Variants in SUPT3H observed in about 807,000 individuals in gnomAD.
The protein encoded by SUPT3H is transcription initiation protein SPT3 homolog.
In SUPT3H, 44 loss-of-function variants were observed where a neutral mutation model predicts 44.3. The ratio of observed to expected loss-of-function variants is 0.99; its 90% confidence interval spans 0.78 to 1.28. SUPT3H has a LOEUF of 1.28. Ranked by LOEUF, SUPT3H falls within the 50% of genes most tolerant of loss-of-function variation. The pLI is 0.00. For synonymous variants in SUPT3H, 124 were observed against 125.6 expected (o/e 0.99, Z 0.09); for missense variants, 380 against 387.1 (o/e 0.98, Z 0.15).
chr6:44,944,762 CAAAA>C (rs57506313), intron 9 of SUPT3H, among the ~76,000 whole-genome samples: 3 of 29,898 alleles, frequency 1.0e-4, no homozygotes, highest in African/African-American at 1.6e-4. Flanking sequence ...ACCCTCTCTC[CAAAA>C]AAAAAAAAAA....
intron 3 of SUPT3H, among the ~76,000 whole-genome samples, chr6:45,062,186 T>TA (rs1792206866): frequency 6.6e-6 from 1 of 152,096 alleles, no homozygotes; most frequent in African/African-American, 2.4e-5. Context: ...CAGTCCATAA[T>TA]AAAGTTGTTG....
chr6:45,276,807 A>G (rs1777105704), intron 2 of SUPT3H, among the ~76,000 whole-genome samples: 1 of 152,202 alleles, frequency 6.6e-6, no homozygotes, highest in South Asian at 2.1e-4. Context: ...TCATACACAC[A>G]TGACCAATGA....
chr6:44,840,911 T>C (rs1214955401), intron 10 of SUPT3H, among the ~76,000 whole-genome samples: 1 of 152,200 alleles, frequency 6.6e-6, no homozygotes, highest in Non-Finnish European at 1.5e-5. Flanking sequence ...AAACTTCCAA[T>C]GAAAAAGTCA....
At chr6:45,258,977 C>A (rs1428415763) in intron 2 of SUPT3H, among the ~76,000 whole-genome samples, 1 of 152,070 alleles carries the variant, frequency 6.6e-6, no homozygotes, top group Non-Finnish European at 1.5e-5. Flanking sequence ...AAAATAATTT[C>A]AAGTACTATG....
At chr6:45,220,300 G>A (rs1486980840) in intron 2 of SUPT3H, among the ~76,000 whole-genome samples, 2 of 151,576 alleles carry the variant, frequency 1.3e-5, no homozygotes, top group African/African-American at 4.8e-5. Context: ...TGTGCAACAC[G>A]GTTCAACATT....
chr6:45,208,723 CAA>C (rs34279438), intron 2 of SUPT3H, among the ~76,000 whole-genome samples: 13 of 96,748 alleles, frequency 1.3e-4, no homozygotes, highest in South Asian at 3.5e-4. Context: ...GACTCTGTCT[CAA>C]AAAAAAAAAA....
intron 2 of SUPT3H, among the ~76,000 whole-genome samples, chr6:45,149,989 A>T (rs1053402325): frequency 1.3e-5 from 2 of 150,950 alleles, no homozygotes; most frequent in Admixed American, 1.3e-4. Context: ...TCCAGGCTAC[A>T]TATCAGGTAA....
At position 45,095,389 on chromosome 6, in the gene SUPT3H, TTGCA is replaced by T. The variant is rs1797657327; in HGVS notation, c.186+10529_186+10532del. On this transcript the variant is annotated intron_variant, in intron 3 of 10. Coordinates refer to ENST00000371459, the MANE Select transcript of SUPT3H (RefSeq NM_003599.4). This position sits in a 1 kb window ranked among gnomAD's most constrained non-coding sequence, Gnocchi z 4.1. ...CTGGTGATGAGGACAGAACAGAGCT[TTGCA>T]TGAACTGCTTCTACCAGGGAAATTA... is the stretch of plus-strand genomic sequence containing the variant. 6.6e-6 allele frequency among the ~76,000 whole-genome samples: 1 copy of T among 152,116 alleles called. No homozygotes were observed. The highest frequency in any genetic ancestry group is 2.4e-5 in the African/African-American group (1 of 41,420).
chr6:45,065,816 C>T (rs1019209817), intron 3 of SUPT3H, among the ~76,000 whole-genome samples: 15 of 151,286 alleles, frequency 9.9e-5, no homozygotes, highest in African/African-American at 3.2e-4. Flanking sequence ...TGGCAATAAT[C>T]GATAGTTTAC....
At chr6:44,981,323 A>G (rs77558040) in intron 6 of SUPT3H, among the ~76,000 whole-genome samples, 10,616 of 152,272 alleles carry the variant, frequency 0.07, 1,235 homozygotes, top group African/African-American at 0.24. Flanking sequence ...TTGTTAACAA[A>G]AAGCATGAAA....
intron 3 of SUPT3H, among the ~76,000 whole-genome samples, chr6:45,062,410 C>A (rs1792259396): frequency 6.6e-6 from 1 of 151,556 alleles, no homozygotes; most frequent in African/African-American, 2.4e-5. Flanking sequence ...CTAAATGGAG[C>A]ATCAAAGCGG....
chr6:45,094,689 T>A (rs901718739), intron 3 of SUPT3H, among the ~76,000 whole-genome samples: 11 of 152,204 alleles, frequency 7.2e-5, no homozygotes, highest in Admixed American at 4.6e-4. Flanking sequence ...ATTATTTTTT[T>A]AAAAAGACAA....
chr6:44,976,842 C>G (rs1778408307), intron 6 of SUPT3H, among the ~76,000 whole-genome samples: 1 of 152,118 alleles, frequency 6.6e-6, no homozygotes, highest in Non-Finnish European at 1.5e-5. Flanking sequence ...TTTCAAGTAG[C>G]CTGAACACAA....
At chr6:45,068,383 C>T (rs1346611271) in intron 3 of SUPT3H, among the ~76,000 whole-genome samples, 5 of 145,302 alleles carry the variant, frequency 3.4e-5, no homozygotes, top group Non-Finnish European at 7.5e-5. Flanking sequence ...TTAGTGGGTG[C>T]AGCACACCAG....
chr6:45,023,919 A>C (rs72867457), intron 3 of SUPT3H, among the ~76,000 whole-genome samples: 2,356 of 152,250 alleles, frequency 0.015, 31 homozygotes, highest in South Asian at 0.03. Context: ...AGTTAAAAAC[A>C]AAACAAAACA....
chr6:44,824,080 G>GTATC (rs1767560821), downstream of SUPT3H, among the ~76,000 whole-genome samples: 1 of 152,236 alleles, frequency 6.6e-6, no homozygotes, highest in Non-Finnish European at 1.5e-5. Flanking sequence ...CTCTGGCTTG[G>GTATC]TATCTTCCTG....
chr6:44,836,620 C>T (rs533654173), intron 10 of SUPT3H, among the ~76,000 whole-genome samples: 1 of 151,910 alleles, frequency 6.6e-6, no homozygotes, highest in African/African-American at 2.4e-5. Flanking sequence ...GAGTTATTAC[C>T]AAGTTGTTTT....
chr6:45,140,303 C>A (rs1236423665), intron 2 of SUPT3H, among the ~76,000 whole-genome samples: 2 of 152,138 alleles, frequency 1.3e-5, no homozygotes, highest in Non-Finnish European at 2.9e-5. Flanking sequence ...TAGCCAAACA[C>A]AAGAGATGTA....
intron 2 of SUPT3H, among the ~76,000 whole-genome samples, chr6:45,127,677 T>C (rs1802649741): frequency 6.6e-6 from 1 of 152,214 alleles, no homozygotes; most frequent in African/African-American, 2.4e-5. Context: ...TTCAAAGACT[T>C]TTCTCTATTG....
Sources: allele counts gnomAD v4.1 joint callset (sites outside exome capture counted in the v4.1 genomes callset), GRCh38; gene constraint gnomAD v4.1.1; non-coding constraint Gnocchi (gnomAD v3.1); transcripts MANE v1.5; gene names NCBI Gene and HGNC (gene_info 2026-07-23, HGNC 2026-07-21).